RNF126: variants seen among roughly 807,000 people sequenced by gnomAD.
The protein encoded by RNF126 is ring finger protein 126.
Under a neutral mutation model 41.9 loss-of-function variants are expected in RNF126, and 20 were observed. That is an observed-to-expected ratio of 0.48 (90% CI 0.34 to 0.69). RNF126 has a LOEUF of 0.69. Ranked by LOEUF, RNF126 falls within the 30% of genes least tolerant of loss-of-function variation. The probability of loss-of-function intolerance (pLI) is 0.01; values close to 1 mark genes in which losing one functional copy is unlikely to be tolerated. For missense variants in RNF126, 433 were observed against 460.6 expected (o/e 0.94, Z 0.55); for synonymous variants, 239 against 202.9 (o/e 1.18, Z -1.51).
chr19:648,504 C>T lies in RNF126; in HGVS notation c.671-17G>A, dbSNP rs569411840. 3 of 1,549,488 alleles carry T rather than the reference C, an allele frequency of 1.9e-6. No homozygotes were observed. In the East Asian group the frequency reaches 7.3e-5, roughly 38 times the overall value. ...GCCCGGAGCCTGCGGGAGTGTGCAG[C>T]TGCGGTCACAGCGGGCGTGGGGGGC... On this transcript the variant is annotated splice_polypyrimidine_tract_variant and intron_variant, in intron 7 of 8. Coordinates refer to ENST00000292363, the MANE Select transcript of RNF126 (RefSeq NM_194460.3).
chr19:655,517 G>A (rs766623147), intron 1 of RNF126, among the ~76,000 whole-genome samples: 12 of 151,808 alleles, frequency 7.9e-5, no homozygotes, highest in Non-Finnish European at 1.3e-4. Flanking sequence ...GGGAAAGGAC[G>A]TGTACAGGAC....
chr19:648,354 G>GGGGGGGGGGGGGGGGGGGA lies in RNF126; in HGVS notation c.786+17_786+18insTCCCCCCCCCCCCCCCCCC. On this transcript the variant is annotated intron_variant, in intron 8 of 8. Transcript: ENST00000292363. ...GGGCCGCGGTCGGGGTGGGGGGGCG[G>GGGGGGGGGGGGGGGGGGGA]GTGGGCGGGGCACTCACCTGCTCCA... 1.2e-6 allele frequency: 1 copy of GGGGGGGGGGGGGGGGGGGA among 858,822 alleles called. No homozygotes were observed. Among genetic ancestry groups the GGGGGGGGGGGGGGGGGGGA allele is most frequent in the Non-Finnish European group, 1.7e-6 (1 of 583,056 alleles). 53.2% of individuals were successfully genotyped at this position (858,822 alleles called of 1,614,324 possible).
At chr19:652,748 C>A in intron 2 of RNF126, 78 bp downstream of exon 2, 1 of 1,382,288 alleles carries the variant, frequency 7.2e-7, no homozygotes, top group Non-Finnish European at 1.0e-6. Flanking sequence ...GCGGGGCGGA[C>A]GCCAGCACAG....
intron 3 of RNF126, 25 bp from the exon 4 acceptor site, chr19:651,880 C>A (rs1159971738): frequency 6.3e-7 from 1 of 1,593,190 alleles, no homozygotes; most frequent in Non-Finnish European, 8.5e-7. Flanking sequence ...GGGGCGTGAC[C>A]TCGGGGGCTC....
intron 2 of RNF126, 90 bp from the exon 3 acceptor site, chr19:652,386 G>A: frequency 8.5e-7 from 1 of 1,180,924 alleles, no homozygotes; most frequent in Non-Finnish European, 1.2e-6. Context: ...TGTTGGGAGA[G>A]CAGGAATTGT....
Position 650,296 on chromosome 19 carries a change from C to T in RNF126, c.444G>A (p.Gly148=). 6.3e-7 allele frequency: 1 copy of T among 1,578,652 alleles called. No individual in the cohort carries two copies. Among genetic ancestry groups the T allele is most frequent in the Middle Eastern group, 1.7e-4 (1 of 6,012 alleles). ...GRHEGVPTLE[G]IIQQLVNGII... Reference sequence around the variant, plus strand: ...TGCCGTTGACGAGCTGCTGGATGATCCTGGAAAAGAGAGCGCCAGTCACGG... The same window carrying T: ...TGCCGTTGACGAGCTGCTGGATGATTCTGGAAAAGAGAGCGCCAGTCACGG... The change falls in exon 5 of 9, where the codon GGG becomes GGA. Residue 148 remains glycine (G), a splice_region_variant and synonymous_variant. Coordinates refer to ENST00000292363, the MANE Select transcript of RNF126 (RefSeq NM_194460.3).
rs535127956 is a variant in RNF126, at chr19:652,654, C to G, written c.134+172G>C. The G allele has an allele frequency of 9.4e-5, 61 of 650,456 alleles. No individual in the cohort carries two copies. The African/African-American group carries it at 9.7e-4, about 10-fold the overall frequency. 40.3% of individuals were successfully genotyped at this position (650,456 alleles called of 1,614,324 possible). Reference sequence around the variant, plus strand: ...CCCTCTGGCCCCGGCCCGGCCATCACAGAAGAGAACGGCACGCTGCTGTCT... The same window carrying G: ...CCCTCTGGCCCCGGCCCGGCCATCAGAGAAGAGAACGGCACGCTGCTGTCT... On this transcript the variant is annotated intron_variant, in intron 2 of 8. Coordinates refer to ENST00000292363, the MANE Select transcript of RNF126 (RefSeq NM_194460.3).
At position 647,700 on chromosome 19, in the gene RNF126, C is replaced by A; in HGVS notation, c.*428G>T. 4.8e-6 allele frequency: 1 copy of A among 209,690 alleles called. No homozygotes were observed. The highest frequency in any genetic ancestry group is 9.9e-6 in the Non-Finnish European group (1 of 100,988). 13.0% of individuals were successfully genotyped at this position (209,690 alleles called of 1,614,324 possible). Reference sequence around the variant, plus strand: ...AGGGGGAGGCTGGGGGCCCACGTGGCCCGTCCTGGCGGCACCTGCAGCACT... The same window carrying A: ...AGGGGGAGGCTGGGGGCCCACGTGGACCGTCCTGGCGGCACCTGCAGCACT... On this transcript the variant is annotated 3_prime_UTR_variant, in exon 9 of 9. Transcript: ENST00000292363.
chr19:660,140 C>G (rs942028374), intron 1 of RNF126, among the ~76,000 whole-genome samples: 2 of 152,248 alleles, frequency 1.3e-5, no homozygotes, highest in Non-Finnish European at 2.9e-5. Context: ...AAGTGTGGCT[C>G]CCCGCTCAGG....
intron 2 of RNF126, 197 bp from the exon 3 acceptor site, chr19:652,493 C>T (rs752277190): frequency 5.9e-5 from 36 of 605,672 alleles, no homozygotes; most frequent in East Asian, 2.6e-4. Context: ...CTCGATAAAC[C>T]GGTGCAGACC....
chr19:653,624 C>G (rs12981407), intron 1 of RNF126, among the ~76,000 whole-genome samples: 17,848 of 152,256 alleles, frequency 0.12, 1,411 homozygotes, highest in East Asian at 0.43. Context: ...GGCTGGGCCC[C>G]TGGTGATGGC....
In RNF126 at chr19:649,692, G is replaced by A. The variant is rs868767190; in HGVS notation, c.563C>T (p.Ala188Val). 2 of 1,566,414 alleles carry A rather than the reference G, an allele frequency of 1.3e-6. No homozygotes were observed. Among genetic ancestry groups the A allele is most frequent in the Non-Finnish European group, 8.7e-7 (1 of 1,154,040 alleles). ...GCCACGCTGTACCTGTGTGATGATGGCATCCAGGCCGTTGGCCCCCCAGGC... is the reference window on the plus strand; with the variant it reads ...GCCACGCTGTACCTGTGTGATGATGACATCCAGGCCGTTGGCCCCCCAGGC... ...DYAWGANGLD[A>V]IITQLLNQFE... is the part of the protein sequence containing the mutation. Residue 188 changes from alanine to valine, a missense_variant, in exon 6 of 9, where the codon GCC (alanine) becomes GTC (valine). By Grantham distance (64) the Ala-to-Val change is moderately conservative. Around this residue, in one of 5 missense-constraint regions of RNF126, gnomAD observed 97 missense variants for 121.7 expected, o/e 0.80. Coordinates refer to ENST00000292363, the MANE Select transcript of RNF126 (RefSeq NM_194460.3).
chr19:662,972 C>T, intron 1 of RNF126, 75 bp downstream of exon 1: 1 of 679,068 alleles, frequency 1.5e-6, no homozygotes, highest in Non-Finnish European at 2.1e-6. Context: ...CGCAAGCGAC[C>T]CCCACCCCGG....
intron 6 of RNF126, 142 bp from the exon 7 acceptor site, chr19:649,117 G>T: frequency 2.5e-6 from 1 of 408,162 alleles, no homozygotes. Flanking sequence ...CCCGGGGTCG[G>T]AGATCACTGT....
rs2030689628 is a variant in RNF126, at chr19:659,207, AG to A, written c.75+3839del. Reference sequence around the variant, plus strand: ...GCAAGCAGCGGCCAGAGACAGACCCAGGCCGTCTTCTGAAGACTCGGGCCAG... The same window carrying A: ...GCAAGCAGCGGCCAGAGACAGACCCAGCCGTCTTCTGAAGACTCGGGCCAG... On this transcript the variant is annotated intron_variant, in intron 1 of 8. Transcript: ENST00000292363. This position sits in a 1 kb window ranked among gnomAD's most constrained non-coding sequence, Gnocchi z 4.9. Among the ~76,000 whole-genome samples, 1 of 152,166 alleles carries A rather than the reference AG, an allele frequency of 6.6e-6. No homozygotes were observed. Among genetic ancestry groups the A allele is most frequent in the Non-Finnish European group, 1.5e-5 (1 of 68,020 alleles).
intron 4 of RNF126, 144 bp from the exon 5 acceptor site, chr19:650,440 C>T (rs539084251): frequency 4.3e-6 from 3 of 693,470 alleles, no homozygotes; most frequent in Admixed American, 5.6e-5. Flanking sequence ...TACTATGAGC[C>T]AGGGTCTCAC....
chr19:652,185 C>T (rs1229923242), intron 3 of RNF126, 48 bp downstream of exon 3: 8 of 1,450,448 alleles, frequency 5.5e-6, no homozygotes, highest in Non-Finnish European at 7.3e-6. Flanking sequence ...GCTCGGGGCC[C>T]CGAGCAAGGC....
chr19:660,006 C>T (rs1417181473), intron 1 of RNF126, among the ~76,000 whole-genome samples: 1 of 152,204 alleles, frequency 6.6e-6, no homozygotes, highest in South Asian at 2.1e-4. Flanking sequence ...CTCAGGTGAT[C>T]CGTCCACCTC....
At chr19:661,267 C>G (rs980173097) in intron 1 of RNF126, 1 of 152,542 alleles carries the variant, frequency 6.6e-6, no homozygotes, top group Admixed American at 6.5e-5. Context: ...CAGTGTCGGC[C>G]CCCCACAGCC....
Sources: gnomAD v4.1 joint callset for allele counts (sites outside exome capture counted in the v4.1 genomes callset) on GRCh38, gnomAD v4.1.1 for gene constraint, gnomAD v4.1.1 regional missense constraint, Gnocchi (gnomAD v3.1) non-coding constraint, MANE v1.5 for transcripts, NCBI Gene and HGNC (gene_info 2026-07-23, HGNC 2026-07-21) for gene names.